The following MNAT1 variants were observed in gnomAD, a reference collection of about 807,000 sequenced individuals.
MNAT1 encodes the protein MNAT1 component of CDK activating kinase.
MNAT1 carries 43 observed loss-of-function variants against 42.0 expected under a neutral mutation model. The observed-to-expected ratio is 1.02, with a 90% CI of 0.80 to 1.32. The LOEUF is 1.32. MNAT1 is among the 40% of genes most tolerant of loss of function. The pLI, the probability that MNAT1 is intolerant of heterozygous loss-of-function variation, is 0.00. For synonymous variants in MNAT1, 118 were observed against 120.0 expected (o/e 0.98, Z 0.11); for missense variants, 306 against 350.4 (o/e 0.87, Z 1.01).
At chr14:60,828,705 A>G (rs1040904989) in intron 6 of MNAT1, among the ~76,000 whole-genome samples, 1 of 152,174 alleles carries the variant, frequency 6.6e-6, no homozygotes, top group Non-Finnish European at 1.5e-5. Flanking sequence ...AACTTCAGAC[A>G]TCAATCGAAA....
At chr14:60,903,116 T>A (rs1386303225) in intron 7 of MNAT1, among the ~76,000 whole-genome samples, 1 of 101,334 alleles carries the variant, frequency 9.9e-6, no homozygotes, top group African/African-American at 3.3e-5. Flanking sequence ...TCATTAAGTA[T>A]TATATTCGCT....
intron 1 of MNAT1, among the ~76,000 whole-genome samples, chr14:60,741,658 G>GTTTTTTTTTTTTTTTTTTT (rs3049888): frequency 1.1e-5 from 1 of 92,022 alleles, no homozygotes. Flanking sequence ...TGCGCCTGGG[G>GTTTTTTTTTTTTTTTTTTT]TTTTTTTTTT....
intron 6 of MNAT1, among the ~76,000 whole-genome samples, chr14:60,820,446 T>G (rs148808238): frequency 6.6e-6 from 1 of 152,118 alleles, no homozygotes; most frequent in African/African-American, 2.4e-5. Flanking sequence ...TTTCTAGTTC[T>G]CTTCCTTTTA....
At chr14:60,938,948 G>A (rs1208212516) in intron 7 of MNAT1, among the ~76,000 whole-genome samples, 1 of 152,022 alleles carries the variant, frequency 6.6e-6, no homozygotes, top group Non-Finnish European at 1.5e-5. Context: ...ACTTCTTCCT[G>A]GTTTAGTGTT....
At chr14:60,901,940 G>A (rs2035080927) in intron 7 of MNAT1, among the ~76,000 whole-genome samples, 1 of 152,116 alleles carries the variant, frequency 6.6e-6, no homozygotes, top group African/African-American at 2.4e-5. Context: ...GCAGTGATAG[G>A]GTTTGAGAGG....
intron 6 of MNAT1, among the ~76,000 whole-genome samples, chr14:60,855,163 G>A (rs1181481635): frequency 2.6e-5 from 4 of 152,112 alleles, no homozygotes; most frequent in African/African-American, 4.8e-5. Context: ...ACCTCTCCCC[G>A]CACCAAGCTC....
At chr14:60,959,589 T>C (rs367641911) in intron 7 of MNAT1, among the ~76,000 whole-genome samples, 2 of 152,338 alleles carry the variant, frequency 1.3e-5, no homozygotes, top group African/African-American at 4.8e-5. Flanking sequence ...AATGGGATGA[T>C]AAAGGCAGAA....
intron 6 of MNAT1, among the ~76,000 whole-genome samples, chr14:60,841,219 CCTTT>C (rs1434684632): frequency 1.3e-5 from 2 of 151,570 alleles, no homozygotes; most frequent in Non-Finnish European, 2.9e-5. Context: ...CTCTCTCACA[CCTTT>C]CTCTCTCACT....
intron 7 of MNAT1, among the ~76,000 whole-genome samples, chr14:60,890,850 CTGACTCT>C (rs963823776): frequency 6.6e-6 from 1 of 152,200 alleles, no homozygotes; most frequent in African/African-American, 2.4e-5. Context: ...TCCCGGCTCA[CTGACTCT>C]TGTTAGTCTC....
intron 1 of MNAT1, 67 bp downstream of exon 1, chr14:60,735,018 T>G: frequency 2.0e-6 from 3 of 1,463,904 alleles, no homozygotes; most frequent in Non-Finnish European, 2.9e-6. Context: ...GACCGGGAGA[T>G]GCTAGGCCTC....
At chr14:60,771,240 A>T (rs79388534) in intron 1 of MNAT1, among the ~76,000 whole-genome samples, 1 of 150,286 alleles carries the variant, frequency 6.7e-6, no homozygotes, top group African/African-American at 2.4e-5. Context: ...CTTTAAAATT[A>T]AAAAAAAAAT....
intron 6 of MNAT1, among the ~76,000 whole-genome samples, chr14:60,827,532 G>A (rs1026647488): frequency 3.3e-5 from 5 of 152,174 alleles, no homozygotes; most frequent in African/African-American, 7.2e-5. Context: ...TGAGCAGTCA[G>A]TTATGTCCTG....
intron 7 of MNAT1, among the ~76,000 whole-genome samples, chr14:60,914,610 T>C (rs2035471778): frequency 6.6e-6 from 1 of 152,102 alleles, no homozygotes; most frequent in Non-Finnish European, 1.5e-5. Flanking sequence ...AGCTGCCTAA[T>C]AGAGTCCACT....
At chr14:60,799,423 A>G in intron 3 of MNAT1, 1 of 983,486 alleles carries the variant, frequency 1.0e-6, no homozygotes, top group Non-Finnish European at 1.2e-6. Context: ...TATAGATACT[A>G]AGTATAGGAC....
chr14:60,818,748 G>C lies in MNAT1; in HGVS notation c.588G>C (p.Leu196=). The change falls in exon 6 of 8, where the codon CTG becomes CTC. Residue 196 remains leucine, a synonymous_variant. Transcript: ENST00000261245. The part of the protein sequence containing the change: ...ELESSDLPVA[L]LLAQHKDRST... ...AGAGTTCTGATCTCCCTGTTGCTCT[G>C]CTTTTGGCTCAGCATAAAGATAGAT... 6 of 1,610,354 alleles carry C rather than the reference G, an allele frequency of 3.7e-6. No individual in the cohort carries two copies. The highest frequency in any genetic ancestry group is 1.1e-5 in the South Asian group (1 of 90,556).
At chr14:60,746,684 C>CAA (rs1896626098) in intron 1 of MNAT1, among the ~76,000 whole-genome samples, 2 of 150,416 alleles carry the variant, frequency 1.3e-5, no homozygotes, top group Admixed American at 1.3e-4. Flanking sequence ...TATTATATGG[C>CAA]TCTAACATAT....
chr14:60,918,610 G>A (rs370926390), intron 7 of MNAT1, among the ~76,000 whole-genome samples: 2 of 151,514 alleles, frequency 1.3e-5, no homozygotes, highest in Non-Finnish European at 1.5e-5. Context: ...AAATTATGGT[G>A]CACAAACATC....
intron 6 of MNAT1, among the ~76,000 whole-genome samples, chr14:60,851,166 T>C (rs1470067394): frequency 6.6e-6 from 1 of 152,162 alleles, no homozygotes; most frequent in Non-Finnish European, 1.5e-5. Context: ...TAAACAAGAA[T>C]GTAAAGTAAG....
At chr14:60,832,249 G>A (rs2033247406) in intron 6 of MNAT1, among the ~76,000 whole-genome samples, 1 of 152,174 alleles carries the variant, frequency 6.6e-6, no homozygotes, top group Admixed American at 6.5e-5. Context: ...TGAAGTCTTT[G>A]CCCATGCCTA....
Sources: allele counts gnomAD v4.1 joint callset (sites outside exome capture counted in the v4.1 genomes callset), GRCh38; gene constraint gnomAD v4.1.1; transcripts MANE v1.5; gene names NCBI Gene and HGNC (gene_info 2026-07-23, HGNC 2026-07-21).